ACSS2: variants seen among roughly 807,000 people sequenced by gnomAD.
ACSS2 encodes the protein acetyl-coenzyme A synthetase, cytoplasmic.
ACSS2 carries 58 observed loss-of-function variants against 90.6 expected under a neutral mutation model. The observed-to-expected ratio is 0.64, with a 90% CI of 0.52 to 0.80. ACSS2 has a LOEUF of 0.80. Ranked by LOEUF, ACSS2 falls within the 30% of genes least tolerant of loss-of-function variation. The probability of loss-of-function intolerance (pLI) is 0.00; values close to 1 mark genes in which losing one functional copy is unlikely to be tolerated. For synonymous variants in ACSS2, 300 were observed against 330.9 expected (o/e 0.91, Z 1.01); for missense variants, 759 against 912.0 (o/e 0.83, Z 2.16).
intron 2 of ACSS2, among the ~76,000 whole-genome samples, chr20:34,886,850 A>G (rs568019304): frequency 1.3e-5 from 2 of 152,346 alleles, no homozygotes; most frequent in African/African-American, 4.8e-5. Flanking sequence ...TACTTCTTAT[A>G]GAAACACATT....
At chr20:34,908,706 C>G (rs1365691718) in intron 2 of ACSS2, 1 of 278,838 alleles carries the variant, frequency 3.6e-6, no homozygotes, top group African/African-American at 2.3e-5. Flanking sequence ...TACTAAAATG[C>G]AAAAATTAGC....
Position 34,926,108 on chromosome 20 carries a change from A to C in ACSS2, c.1730A>C (p.His577Pro). 1 of 1,614,060 alleles carries C rather than the reference A, an allele frequency of 6.2e-7. No homozygotes were observed. Among genetic ancestry groups the C allele is most frequent in the Non-Finnish European group, 8.5e-7 (1 of 1,179,926 alleles). Residue 577 changes from histidine to proline, a missense_variant, in exon 16 of 18, where the codon CAC becomes CCC. Transcript: ENST00000360596. ...RIDDMLNVSG[H>P]LLSTAEVESA... is the part of the protein sequence containing the mutation. ...GCACTTCCTTTCCCTTGACAAGGAC[A>C]CCTGCTGAGTACAGCAGAGGTGGAG...
At chr20:34,885,096 A>G (rs1341456343) in intron 2 of ACSS2, among the ~76,000 whole-genome samples, 1 of 152,068 alleles carries the variant, frequency 6.6e-6, no homozygotes, top group East Asian at 1.9e-4. Flanking sequence ...CCTACTTGAA[A>G]GGCTGTGGTG....
chr20:34,921,684 G>A, intron 12 of ACSS2, 84 bp downstream of exon 12: 1 of 1,609,100 alleles, frequency 6.2e-7, no homozygotes, highest in Non-Finnish European at 8.5e-7. Flanking sequence ...GTGGAGAACT[G>A]GACTGACATG....
chr20:34,921,221 T>C lies in ACSS2; in HGVS notation c.1277+82T>C. 1.9e-6 allele frequency: 3 copies of C among 1,608,406 alleles called. No homozygotes were observed. In the Admixed American group the frequency reaches 5.0e-5, roughly 27 times the overall value. ...CTTTGTACAGTCTCTTCTTTTCCAT[T>C]GTCCCAACTCTCTGACCTGGAATAG... On this transcript the variant is annotated intron_variant, in intron 10 of 17. Transcript: ENST00000360596.
At chr20:34,898,950 G>A (rs902332449) in intron 2 of ACSS2, among the ~76,000 whole-genome samples, 3 of 152,234 alleles carry the variant, frequency 2.0e-5, no homozygotes, top group African/African-American at 4.8e-5. Flanking sequence ...CCTGCCCCGC[G>A]GGAAGGCAGC....
chr20:34,878,558 G>A (rs188612625), intron 1 of ACSS2, among the ~76,000 whole-genome samples: 6 of 152,308 alleles, frequency 3.9e-5, no homozygotes, highest in South Asian at 2.1e-4. Flanking sequence ...CAATTACCAA[G>A]TAATGCAAGA....
At chr20:34,919,282 G>A (rs2081140922) in intron 7 of ACSS2, among the ~76,000 whole-genome samples, 153 bp from the exon 8 acceptor site, 1 of 152,060 alleles carries the variant, frequency 6.6e-6, no homozygotes, top group Non-Finnish European at 1.5e-5. Context: ...TTCTGCTCCT[G>A]TTCTTTCTGT....
intron 2 of ACSS2, among the ~76,000 whole-genome samples, chr20:34,896,848 C>T (rs2080473962): frequency 6.6e-6 from 1 of 152,182 alleles, no homozygotes; most frequent in Non-Finnish European, 1.5e-5. Context: ...GCCTGGCCAA[C>T]ATGGTGAAAC....
At chr20:34,925,963 T>A (rs1253288040) in intron 15 of ACSS2, 142 bp from the exon 16 acceptor site, 2 of 1,020,860 alleles carry the variant, frequency 2.0e-6, no homozygotes, top group Non-Finnish European at 2.9e-6. Flanking sequence ...GATGGTGGGG[T>A]GACTGAAAGC....
intron 2 of ACSS2, among the ~76,000 whole-genome samples, chr20:34,907,860 G>C (rs908324961): frequency 1.3e-5 from 2 of 152,272 alleles, no homozygotes; most frequent in African/African-American, 4.8e-5. Flanking sequence ...CCCTAGGAGG[G>C]TTAAAGCCTA....
chr20:34,921,848 T>G lies in ACSS2; in HGVS notation c.1530T>G (p.Gly510=), dbSNP rs776975306. The G allele has an allele frequency of 1.2e-6, 2 of 1,613,790 alleles. No individual in the cohort carries two copies. Among genetic ancestry groups the G allele is most frequent in the African/African-American group, 2.7e-5 (2 of 74,886 alleles). The change falls in exon 13 of 18, where the codon GGT becomes GGG. Residue 510 remains glycine (G), a synonymous_variant. Transcript: ENST00000360596. Reference sequence around the variant, plus strand: ...ATGAGTCCGGGGAAGAGTTGGAAGGTGAAGCTGAAGGTTATCTGGTGAGGC... The same window carrying G: ...ATGAGTCCGGGGAAGAGTTGGAAGGGGAAGCTGAAGGTTATCTGGTGAGGC... ...ILNESGEELE[G]EAEGYLVFKQ... is the part of the protein sequence containing the mutation.
intron 2 of ACSS2, among the ~76,000 whole-genome samples, chr20:34,905,374 G>A (rs1016187699): frequency 1.3e-5 from 2 of 151,472 alleles, no homozygotes; most frequent in Non-Finnish European, 2.9e-5. Context: ...CTGGGTTCAC[G>A]CCATCCTCCT....
chr20:34,907,223 T>C (rs575898936), intron 2 of ACSS2, among the ~76,000 whole-genome samples: 4 of 151,788 alleles, frequency 2.6e-5, no homozygotes, highest in Admixed American at 1.3e-4. Flanking sequence ...GCTCAGGTGA[T>C]CCTCCCACCA....
intron 2 of ACSS2, among the ~76,000 whole-genome samples, chr20:34,911,147 G>C (rs1460349458): frequency 6.7e-6 from 1 of 149,850 alleles, no homozygotes; most frequent in Non-Finnish European, 1.5e-5. Flanking sequence ...CTTTCTGAGT[G>C]GCTGGGACTA....
Position 34,921,626 on chromosome 20 carries a change from T to G in ACSS2, c.1467+26T>G, listed in dbSNP as rs547104128. 5 of 1,614,154 alleles carry G rather than the reference T, an allele frequency of 3.1e-6. No individual in the cohort carries two copies. In the South Asian group the frequency reaches 3.3e-5, roughly 11 times the overall value. ...GTGAGTGATGCTTCCCTGGCTGGTCTTGGGCTAGGCAGGGATGGTGTCTTG... is the reference window on the plus strand; with the variant it reads ...GTGAGTGATGCTTCCCTGGCTGGTCGTGGGCTAGGCAGGGATGGTGTCTTG... On this transcript the variant is annotated intron_variant, in intron 12 of 17. Transcript: ENST00000360596.
intron 2 of ACSS2, among the ~76,000 whole-genome samples, chr20:34,898,253 T>A (rs1327721414): frequency 6.6e-6 from 1 of 152,180 alleles, no homozygotes; most frequent in Non-Finnish European, 1.5e-5. Context: ...TGGGGCAGCC[T>A]GCTTTTATTC....
chr20:34,893,829 C>T (rs1418854440), intron 2 of ACSS2, among the ~76,000 whole-genome samples: 1 of 152,170 alleles, frequency 6.6e-6, no homozygotes, highest in East Asian at 1.9e-4. Flanking sequence ...GTCTGGTCTA[C>T]TTATGGTTTT....
At chr20:34,877,571 A>G (rs1194273873) in intron 1 of ACSS2, among the ~76,000 whole-genome samples, 1 of 152,094 alleles carries the variant, frequency 6.6e-6, no homozygotes, top group African/African-American at 2.4e-5. Flanking sequence ...TAATCCCAGC[A>G]CTTTGGGAGG....
Sources: gnomAD v4.1 joint callset for allele counts (sites outside exome capture counted in the v4.1 genomes callset) on GRCh38, gnomAD v4.1.1 for gene constraint, MANE v1.5 for transcripts, NCBI Gene and HGNC (gene_info 2026-07-23, HGNC 2026-07-21) for gene names.